The following TUSC3 variants were observed in gnomAD, a reference collection of about 807,000 sequenced individuals.
TUSC3 encodes the protein dolichyl-diphosphooligosaccharide--protein glycosyltransferase subunit TUSC3.
A neutral mutation model predicts 44.8 loss-of-function variants in TUSC3; 45 were observed. The ratio of observed to expected loss-of-function variants is 1.00; its 90% CI spans 0.79 to 1.29. TUSC3 has a LOEUF of 1.29. Among genes scored for constraint, TUSC3 ranks in the 50% most tolerant of loss-of-function variants. The probability of loss-of-function intolerance (pLI) is 0.00; values close to 1 mark genes in which losing one functional copy is unlikely to be tolerated. For missense variants in TUSC3, 519 were observed against 437.9 expected (o/e 1.19, Z -1.65); for synonymous variants, 212 against 152.9 (o/e 1.39, Z -2.85).
chr8:15,441,559 G>C lies in TUSC3; in HGVS notation n.91+24254G>C, dbSNP rs550745937. ...AAGAAAATATGCTCATAGACATGGA[G>C]AATTGTTAGAATGCATAATAGGCTA... On this transcript the variant is annotated intron_variant and non_coding_transcript_variant, in intron 1 of 5. Transcript: ENST00000503191. Among the ~76,000 whole-genome samples, 5 of 152,266 alleles carry C rather than the reference G, an allele frequency of 3.3e-5. No individual in the cohort carries two copies. In the South Asian group the frequency reaches 1.0e-3, roughly 32 times the overall value.
At chr8:15,448,121 T>TATATATATATATATATATATATATATATA (rs1354912985) in intron 1 of TUSC3, among the ~76,000 whole-genome samples, 262 of 25,102 alleles carry the variant, frequency 0.01, 12 homozygotes, top group South Asian at 0.013. Flanking sequence ...ATATATATAT[T>TATATATATATATATATATATATATATATA]TATTTATTTA....
chr8:15,657,596 T>C (rs981701634), intron 3 of TUSC3, among the ~76,000 whole-genome samples: 3 of 152,192 alleles, frequency 2.0e-5, no homozygotes, highest in Non-Finnish European at 2.9e-5. Context: ...TTGTAGACTT[T>C]CCTTGCACCT....
intron 5 of TUSC3, among the ~76,000 whole-genome samples, chr8:15,665,733 A>G (rs918081028): frequency 2.6e-5 from 4 of 151,442 alleles, no homozygotes; most frequent in Admixed American, 6.6e-5. Flanking sequence ...TAATATATGT[A>G]AATATTAAAA....
At chr8:15,839,155 T>C in the TUSC3 span, among the ~76,000 whole-genome samples, 1 of 152,136 alleles carries the variant, frequency 6.6e-6, no homozygotes, top group Admixed American at 6.5e-5. Context: ...TTTGGCTCTC[T>C]GTTTGTCTGT....
At chr8:15,691,234 A>T (rs148948454) in intron 6 of TUSC3, among the ~76,000 whole-genome samples, 1 of 152,162 alleles carries the variant, frequency 6.6e-6, no homozygotes, top group African/African-American at 2.4e-5. Flanking sequence ...CTCCCTGATA[A>T]CCTGTATTCT....
At chr8:15,731,089 G>T (rs796369101) in intron 7 of TUSC3, among the ~76,000 whole-genome samples, 60 of 152,102 alleles carry the variant, frequency 3.9e-4, no homozygotes, top group African/African-American at 1.4e-3. Flanking sequence ...CTTAAAAAAG[G>T]TATTTTCGTA....
At chr8:15,492,133 G>A (rs1800817746) in intron 2 of TUSC3, among the ~76,000 whole-genome samples, 1 of 152,158 alleles carries the variant, frequency 6.6e-6, no homozygotes, top group Non-Finnish European at 1.5e-5. Flanking sequence ...CTTTTTGGCT[G>A]CCATCTTGGA....
rs182689525 is a variant in TUSC3, at chr8:15,587,631, T to C, written c.139-35449T>C. The stretch of plus-strand genomic sequence containing the variant: ...ATATACAGTAATTTATTGTTAACTG[T>C]ATTTACCTTACAGTGCTATAGAACA... On this transcript the variant is annotated intron_variant, in intron 1 of 10. Transcript: ENST00000503731. Among the ~76,000 whole-genome samples the C allele has an allele frequency of 5.4e-4, 82 of 152,246 alleles. No homozygotes were observed. The East Asian group carries it at 0.012, about 23-fold the overall frequency.
intron 1 of TUSC3, among the ~76,000 whole-genome samples, chr8:15,440,795 G>A (rs1303556126): frequency 6.6e-6 from 1 of 152,160 alleles, no homozygotes; most frequent in Non-Finnish European, 1.5e-5. Flanking sequence ...GAACTACTGG[G>A]AAGAGAGAGA....
At chr8:15,670,369 A>G (rs1356540969) in intron 5 of TUSC3, among the ~76,000 whole-genome samples, 2 of 151,858 alleles carry the variant, frequency 1.3e-5, no homozygotes, top group Admixed American at 6.6e-5. Flanking sequence ...CTGGAACAGA[A>G]TCTATAGTCC....
Position 15,684,272 on chromosome 8 carries a change from C to A in TUSC3, c.798+10436C>A, listed in dbSNP as rs141594329. 9.7e-4 allele frequency among the ~76,000 whole-genome samples: 147 copies of A among 152,236 alleles called. 1 individual carries two copies. In the East Asian group the frequency reaches 0.023, roughly 23 times the overall value. ...CCCATAGAGCAGTCCAAGAGAGTCA[C>A]AACTCCTTGGGAACCCACTGTTCCT... is the stretch of plus-strand genomic sequence containing the variant. On this transcript the variant is annotated intron_variant, in intron 6 of 10. Transcript: ENST00000503731.
chr8:15,826,572 A>C, the TUSC3 span, among the ~76,000 whole-genome samples: 1 of 152,140 alleles, frequency 6.6e-6, no homozygotes, highest in Non-Finnish European at 1.5e-5. Context: ...TTTTTATCTG[A>C]GCTATTTTCT....
At chr8:15,581,669 G>T (rs549924238) in intron 1 of TUSC3, among the ~76,000 whole-genome samples, 1 of 149,082 alleles carries the variant, frequency 6.7e-6, no homozygotes, top group African/African-American at 2.5e-5. Context: ...GAGGCAGTCT[G>T]CCCGTTCTCA....
chr8:15,517,987 A>C (rs1801244187), intron 2 of TUSC3, among the ~76,000 whole-genome samples: 1 of 151,238 alleles, frequency 6.6e-6, no homozygotes, highest in Non-Finnish European at 1.5e-5. Context: ...AACAAACAAA[A>C]AAAAACCCCC....
the TUSC3 span, among the ~76,000 whole-genome samples, chr8:15,842,601 G>A: frequency 1.3e-5 from 2 of 152,268 alleles, no homozygotes; most frequent in East Asian, 3.9e-4. Flanking sequence ...TGCAAAGCAA[G>A]ATTTGTACAC....
At chr8:15,750,961 A>G (rs1264059686) in intron 9 of TUSC3, among the ~76,000 whole-genome samples, 2 of 151,962 alleles carry the variant, frequency 1.3e-5, no homozygotes, top group African/African-American at 4.8e-5. Flanking sequence ...AAGAAACAGA[A>G]TCAGAAGAGA....
At chr8:15,697,353 T>G (rs1346152290) in intron 6 of TUSC3, among the ~76,000 whole-genome samples, 1 of 152,228 alleles carries the variant, frequency 6.6e-6, no homozygotes, top group Non-Finnish European at 1.5e-5. Flanking sequence ...TTTCTCTAGT[T>G]CCTTGAGCTG....
chr8:15,692,253 T>C lies in TUSC3; in HGVS notation c.798+18417T>C, dbSNP rs367648352. Among the ~76,000 whole-genome samples, 4 of 151,868 alleles carry C rather than the reference T, an allele frequency of 2.6e-5. No homozygotes were observed. The South Asian group carries it at 6.3e-4, about 24-fold the overall frequency. On this transcript the variant is annotated intron_variant, in intron 6 of 10. Coordinates refer to ENST00000503731, the MANE Select transcript of TUSC3 (RefSeq NM_006765.4). ...ATTTTGTTGAGGATTTTTGGATCCA[T>C]GTTCATAAAAAAATATTGGCCTACT...
intron 3 of TUSC3, 23 bp downstream of exon 3, chr8:15,650,837 T>C (rs1465562725): frequency 6.3e-7 from 1 of 1,592,366 alleles, no homozygotes; most frequent in African/African-American, 1.3e-5. Context: ...ATCGTATTCA[T>C]ATATTTAACA....
Sources: allele counts gnomAD v4.1 joint callset (sites outside exome capture counted in the v4.1 genomes callset), GRCh38; gene constraint gnomAD v4.1.1; transcripts MANE v1.5; gene names NCBI Gene and HGNC (gene_info 2026-07-23, HGNC 2026-07-21).